The following TMEM50B variants were observed in gnomAD, a reference collection of about 807,000 sequenced individuals.
TMEM50B encodes HCV p7-trans-regulated protein 3.
TMEM50B carries 14 observed loss-of-function variants against 23.4 expected under a neutral mutation model. The observed-to-expected ratio is 0.60, with a 90% CI of 0.39 to 0.93. TMEM50B has a LOEUF of 0.93. Ranked by LOEUF, TMEM50B falls within the 40% of genes least tolerant of loss-of-function variation. The probability of loss-of-function intolerance (pLI) is 0.00; values close to 1 mark genes in which losing one functional copy is unlikely to be tolerated. For synonymous variants in TMEM50B, 64 were observed against 62.3 expected, an observed-to-expected ratio of 1.03 and a Z score of -0.13; for missense variants, 159 against 193.0, an observed-to-expected ratio of 0.82 and a Z score of 1.04.
intron 5 of TMEM50B, among the ~76,000 whole-genome samples, chr21:33,457,021 G>A (rs2084174757): frequency 6.6e-6 from 1 of 152,058 alleles, no homozygotes; most frequent in Admixed American, 6.6e-5. Flanking sequence ...TTGGGGGGCC[G>A]AGGCGGGTAG....
At chr21:33,474,776 C>A (rs1442337704) in intron 1 of TMEM50B, among the ~76,000 whole-genome samples, 1 of 24,018 alleles carries the variant, frequency 4.2e-5, no homozygotes. Context: ...ACTCCGTCAC[C>A]AAAAAAAAAA....
At chr21:33,458,731 T>C (rs1241632715) in intron 5 of TMEM50B, among the ~76,000 whole-genome samples, 1 of 152,208 alleles carries the variant, frequency 6.6e-6, no homozygotes, top group African/African-American at 2.4e-5. Flanking sequence ...GGCTGAATTA[T>C]ATGGTATGCA....
At chr21:33,460,982 G>A (rs535169304) in intron 4 of TMEM50B, among the ~76,000 whole-genome samples, 105 of 152,290 alleles carry the variant, frequency 6.9e-4, no homozygotes, top group African/African-American at 2.5e-3. Context: ...TTTTATTGCT[G>A]AGGCAGCCAA....
chr21:33,455,246 A>G (rs1477728164), intron 6 of TMEM50B, among the ~76,000 whole-genome samples: 1 of 152,216 alleles, frequency 6.6e-6, no homozygotes, highest in Non-Finnish European at 1.5e-5. Context: ...GCTGGAGTAC[A>G]GTGGTGCAGC....
intron 2 of TMEM50B, among the ~76,000 whole-genome samples, chr21:33,467,396 C>T (rs762423199): frequency 3.3e-5 from 5 of 152,122 alleles, no homozygotes; most frequent in African/African-American, 4.8e-5. Flanking sequence ...GGCCAACACG[C>T]GCAAATCACC....
chr21:33,448,291 C>T (rs1177026462), downstream of TMEM50B, among the ~76,000 whole-genome samples: 1 of 151,966 alleles, frequency 6.6e-6, no homozygotes, highest in Non-Finnish European at 1.5e-5. Context: ...CCACGCCTGA[C>T]CACATTATCT....
intron 7 of TMEM50B, among the ~76,000 whole-genome samples, chr21:33,443,358 C>G (rs2084023971): frequency 6.8e-6 from 1 of 147,182 alleles, no homozygotes; most frequent in Non-Finnish European, 1.5e-5. Flanking sequence ...CCCATGCTAA[C>G]TACTAAAATA....
intron 1 of TMEM50B, among the ~76,000 whole-genome samples, chr21:33,472,324 A>G (rs2084325569): frequency 6.6e-6 from 1 of 152,268 alleles, no homozygotes; most frequent in African/African-American, 2.4e-5. Flanking sequence ...CGGAGGTTGC[A>G]GTGAGCCGAG....
chr21:33,449,403 G>C lies in TMEM50B; in HGVS notation c.*1415C>G, dbSNP rs2084096705. ...ATTAGAGCCGTGGACACTACCACTG[G>C]TATTATTCATACAACCAAGGCTCTA... On this transcript the variant is annotated 3_prime_UTR_variant, in exon 7 of 7. Transcript: ENST00000542230. 6.6e-6 allele frequency: 1 copy of C among 152,536 alleles called. No homozygotes were observed. 9.4% of individuals were successfully genotyped at this position (152,536 alleles called of 1,614,324 possible).
At chr21:33,432,887 TC>T in intron 8 of TMEM50B, 1 of 1,396,960 alleles carries the variant, frequency 7.2e-7, no homozygotes, top group South Asian at 1.2e-5. Flanking sequence ...TGTGCACACA[TC>T]TCTTTTTTTT....
chr21:33,461,817 C>A (rs999613846), intron 4 of TMEM50B, among the ~76,000 whole-genome samples: 3 of 150,412 alleles, frequency 2.0e-5, no homozygotes, highest in African/African-American at 7.3e-5. Flanking sequence ...AAAAAAAAAT[C>A]CTTACAATTA....
chr21:33,444,056 A>G (rs979995785), intron 7 of TMEM50B, among the ~76,000 whole-genome samples: 28 of 152,068 alleles, frequency 1.8e-4, no homozygotes, highest in Non-Finnish European at 4.0e-4. Flanking sequence ...ACCTGCCACT[A>G]CGCCTGGCTA....
chr21:33,448,096 A>T (rs532989875), downstream of TMEM50B, among the ~76,000 whole-genome samples: 1 of 151,704 alleles, frequency 6.6e-6, no homozygotes, highest in South Asian at 2.1e-4. Context: ...GGGTTCAAGC[A>T]ATTCTCCCTG....
At chr21:33,469,030 C>A in intron 1 of TMEM50B, 104 bp from the exon 2 acceptor site, 1 of 643,882 alleles carries the variant, frequency 1.6e-6, no homozygotes, top group South Asian at 2.0e-5. Context: ...TACTTTAGGT[C>A]CTATTCTACT....
At chr21:33,463,984 G>T (rs1485899011) in intron 4 of TMEM50B, among the ~76,000 whole-genome samples, 5 of 151,990 alleles carry the variant, frequency 3.3e-5, no homozygotes, top group Admixed American at 2.6e-4. Context: ...ATTCAATTAA[G>T]CTGACAAAAA....
chr21:33,440,019 C>T (rs2083994301), intron 7 of TMEM50B, among the ~76,000 whole-genome samples: 2 of 151,988 alleles, frequency 1.3e-5, no homozygotes, highest in South Asian at 2.1e-4. Context: ...GCACTCCAGC[C>T]TGGGCAACAG....
chr21:33,440,917 A>AT (rs2084002961), intron 7 of TMEM50B, among the ~76,000 whole-genome samples: 1 of 151,952 alleles, frequency 6.6e-6, no homozygotes, highest in Non-Finnish European at 1.5e-5. Flanking sequence ...GTCTCTGTCC[A>AT]TAGTGTTTAA....
rs118151496 is a variant in TMEM50B at position 33,477,492 on chromosome 21, T to C, written c.-42+2346A>G. Among the ~76,000 whole-genome samples the C allele has an allele frequency of 7.0e-3, 1,073 of 152,328 alleles. 9 individuals are homozygous for C. Among genetic ancestry groups the C allele is most frequent in the South Asian group, 0.032 (154 of 4,824 alleles). ...CTGTCTGAATTTTACTTGATATTCT[T>C]CTGTCATGTTTAAATGTTTTAAACA... On this transcript the variant is annotated intron_variant, in intron 1 of 6. Coordinates refer to ENST00000542230, the MANE Select transcript of TMEM50B (RefSeq NM_006134.7).
intron 1 of TMEM50B, among the ~76,000 whole-genome samples, chr21:33,469,934 T>C (rs1482704906): frequency 6.6e-6 from 1 of 152,146 alleles, no homozygotes; most frequent in Non-Finnish European, 1.5e-5. Flanking sequence ...AAATGACTGT[T>C]TTAAGCCACA....
Sources: gnomAD v4.1 joint callset for allele counts (sites outside exome capture counted in the v4.1 genomes callset) on GRCh38, gnomAD v4.1.1 for gene constraint, MANE v1.5 for transcripts, NCBI Gene and HGNC (gene_info 2026-07-23, HGNC 2026-07-21) for gene names.